Variants in NAA16 observed in about 807,000 individuals in gnomAD.
The protein encoded by NAA16 is NARG1-like protein.
In NAA16, 97 loss-of-function variants were observed where a neutral mutation model predicts 110.3. The observed-to-expected ratio is 0.88, with a 90% confidence interval of 0.75 to 1.04. The LOEUF is 1.04. NAA16 is among the 50% of genes least tolerant of loss of function. The pLI, the probability that NAA16 is intolerant of heterozygous loss-of-function variation, is 0.00. For missense variants in NAA16, 1,017 were observed against 1,005.1 expected, an observed-to-expected ratio of 1.01 and a Z score of -0.16; for synonymous variants, 372 against 330.6, an observed-to-expected ratio of 1.13 and a Z score of -1.36.
intron 14 of NAA16, among the ~76,000 whole-genome samples, chr13:41,368,871 C>G (rs2043259130): frequency 6.6e-6 from 1 of 151,982 alleles, no homozygotes. Flanking sequence ...TAAAGCTGAT[C>G]TAATTAAAAG....
At chr13:41,329,884 A>G (rs2042189265) in intron 7 of NAA16, among the ~76,000 whole-genome samples, 1 of 152,000 alleles carries the variant, frequency 6.6e-6, no homozygotes. Context: ...CTTGGTTACT[A>G]TAAAATGTAT....
chr13:41,349,094 C>T (rs1397766541), intron 9 of NAA16, among the ~76,000 whole-genome samples: 1 of 151,920 alleles, frequency 6.6e-6, no homozygotes, highest in African/African-American at 2.4e-5. Flanking sequence ...TGTTGACTTT[C>T]CTCCTCTATT....
intron 2 of NAA16, among the ~76,000 whole-genome samples, chr13:41,317,945 T>A (rs1202135631): frequency 2.6e-5 from 4 of 152,258 alleles, no homozygotes; most frequent in African/African-American, 9.6e-5. Context: ...TCCAGTGTTG[T>A]GCTGTTGAAA....
intron 9 of NAA16, among the ~76,000 whole-genome samples, chr13:41,349,973 A>ATG (rs2042784741): frequency 6.6e-6 from 1 of 151,134 alleles, no homozygotes; most frequent in South Asian, 2.1e-4. Context: ...AAAAAAAAAA[A>ATG]AAAGTCAAAC....
At position 41,367,498 on chromosome 13, in the gene NAA16, G is replaced by T; in HGVS notation, c.1599G>T (p.Met533Ile). The change falls in exon 14 of 20, where the codon ATG (methionine) becomes ATT (isoleucine). Residue 533 changes from methionine (M) to isoleucine (I), a missense_variant. By Grantham distance (10) the Met-to-Ile change is conservative (BLOSUM62 1). Transcript: ENST00000379406. The stretch of plus-strand genomic sequence containing the variant: ...TCCATACATACTGCATGAGAAAGAT[G>T]ACCCTTCGTGCCTATGTTGACCTTT... ...FDFHTYCMRK[M>I]TLRAYVDLLR... 6.2e-7 allele frequency: 1 copy of T among 1,613,138 alleles called. No individual in the cohort carries two copies. The highest frequency in any genetic ancestry group is 1.1e-5 in the South Asian group (1 of 91,032).
At chr13:41,352,354 T>C (rs910296748) in intron 9 of NAA16, among the ~76,000 whole-genome samples, 1 of 150,510 alleles carries the variant, frequency 6.6e-6, no homozygotes, top group Non-Finnish European at 1.5e-5. Context: ...AAAATAAAAA[T>C]AAAGTAACTA....
Position 41,362,118 on chromosome 13 carries a change from A to G in NAA16, c.1498A>G (p.Arg500Gly), listed in dbSNP as rs1277900855. 18 of 1,607,406 alleles carry G rather than the reference A, an allele frequency of 1.1e-5. No homozygotes were observed. Among genetic ancestry groups the G allele is most frequent in the Non-Finnish European group, 1.4e-5 (16 of 1,177,820 alleles). The change falls in exon 13 of 20, where the codon AGA (arginine) becomes GGA (glycine). Residue 500 changes from arginine to glycine, a missense_variant. By Grantham distance (125) the Arg-to-Gly change is moderately radical. Coordinates refer to ENST00000379406, the MANE Select transcript of NAA16 (RefSeq NM_024561.5). Reference sequence around the variant, plus strand: ...CATTTCAGCTTATCAGCGTCTGGGGAGATACGGGGATGCCTTGAAAAAATG... The same window carrying G: ...CATTTCAGCTTATCAGCGTCTGGGGGGATACGGGGATGCCTTGAAAAAATG... ...ECISAYQRLG[R>G]YGDALKKCHE...
intron 4 of NAA16, 34 bp downstream of exon 4, chr13:41,320,858 A>G: frequency 6.5e-7 from 1 of 1,542,690 alleles, no homozygotes; most frequent in Non-Finnish European, 8.7e-7. Context: ...ACATGATTTT[A>G]CAGTAGACAA....
intron 9 of NAA16, among the ~76,000 whole-genome samples, chr13:41,345,250 T>C (rs963541612): frequency 3.3e-5 from 5 of 152,218 alleles, no homozygotes; most frequent in African/African-American, 1.2e-4. Context: ...GTTTAAACTT[T>C]TAAGGAACTG....
chr13:41,325,941 T>C (rs1306655855), intron 6 of NAA16, 90 bp downstream of exon 6: 14 of 1,059,800 alleles, frequency 1.3e-5, no homozygotes, highest in Non-Finnish European at 1.7e-5. Flanking sequence ...GTAACAGTTG[T>C]TATGTATCTG....
chr13:41,359,277 C>G (rs563225411), intron 12 of NAA16, among the ~76,000 whole-genome samples: 1 of 152,228 alleles, frequency 6.6e-6, no homozygotes, highest in East Asian at 1.9e-4. Context: ...AATCCTTTGT[C>G]CCCCTAGTAA....
chr13:41,326,061 G>C (rs1382247210), intron 6 of NAA16, among the ~76,000 whole-genome samples: 1 of 152,126 alleles, frequency 6.6e-6, no homozygotes, highest in African/African-American at 2.4e-5. Flanking sequence ...CTGAGAGATT[G>C]AGTAGCCCCA....
At chr13:41,364,397 C>T (rs1262345501) in intron 13 of NAA16, among the ~76,000 whole-genome samples, 2 of 146,412 alleles carry the variant, frequency 1.4e-5, no homozygotes, top group African/African-American at 2.7e-5. Flanking sequence ...CTGTTTTCAT[C>T]CCCCCCCCAT....
Position 41,342,672 on chromosome 13 carries a change from C to T in NAA16, c.1014+5916C>T, listed in dbSNP as rs111235494. ...GAGAAGATTTTATATGTACCATAGT[C>T]TGCTGGTGGTCTGAGTCATAATGCC... On this transcript the variant is annotated intron_variant, in intron 9 of 19. Transcript: ENST00000379406. Among the ~76,000 whole-genome samples, 162 of 152,314 alleles carry T rather than the reference C, an allele frequency of 1.1e-3. 1 individual carries two copies. The highest frequency in any genetic ancestry group is 3.7e-3 in the African/African-American group (154 of 41,566).
chr13:41,333,437 C>T (rs143483456), intron 8 of NAA16, among the ~76,000 whole-genome samples: 1 of 152,258 alleles, frequency 6.6e-6, no homozygotes, highest in East Asian at 1.9e-4. Context: ...CACCCCTCAA[C>T]CACAGCACCT....
chr13:41,348,310 G>A (rs1260423319), intron 9 of NAA16, among the ~76,000 whole-genome samples: 2 of 151,982 alleles, frequency 1.3e-5, no homozygotes, highest in African/African-American at 4.8e-5. Flanking sequence ...TGGGACTACC[G>A]GCGTGCACCA....
At chr13:41,341,631 C>A (rs1259236007) in intron 9 of NAA16, among the ~76,000 whole-genome samples, 1 of 152,158 alleles carries the variant, frequency 6.6e-6, no homozygotes, top group Non-Finnish European at 1.5e-5. Context: ...GTGGGAGGAT[C>A]TCTTGAGCTT....
chr13:41,323,180 A>C lies in NAA16; in HGVS notation c.527A>C (p.Gln176Pro), dbSNP rs768154600. Residue 176 changes from glutamine to proline, a missense_variant, in exon 5 of 20, where the codon CAA becomes CCA. Coordinates refer to ENST00000379406, the MANE Select transcript of NAA16 (RefSeq NM_024561.5). ...CTAAAACTGTTGGAAGAATTTAGAC[A>C]AACTCAGCAAGTAAGAATTTTAATG... ...MALKLLEEFR[Q>P]TQQVPPNKID... 1.2e-6 allele frequency: 2 copies of C among 1,613,468 alleles called. No individual in the cohort carries two copies. Among genetic ancestry groups the C allele is most frequent in the Admixed American group, 1.7e-5 (1 of 59,790 alleles).
intron 9 of NAA16, among the ~76,000 whole-genome samples, chr13:41,341,505 T>G (rs1369016152): frequency 6.6e-6 from 1 of 152,076 alleles, no homozygotes; most frequent in Non-Finnish European, 1.5e-5. Context: ...TCGCTTGAGA[T>G]CAGGAGTTCA....
Sources: gnomAD v4.1 joint callset for allele counts (sites outside exome capture counted in the v4.1 genomes callset) on GRCh38, gnomAD v4.1.1 for gene constraint, MANE v1.5 for transcripts, NCBI Gene and HGNC (gene_info 2026-07-23, HGNC 2026-07-21) for gene names.